The following MID1 variants were observed in gnomAD, a reference collection of about 807,000 sequenced individuals.
The protein encoded by MID1 is midline 1.
MID1 carries 7 observed loss-of-function variants against 40.4 expected under a neutral mutation model. The ratio of observed to expected loss-of-function variants is 0.17; its 90% confidence interval spans 0.10 to 0.33. MID1 has a LOEUF of 0.33. Among genes scored for constraint, MID1 ranks in the 10% least tolerant of loss-of-function variants. The pLI, the probability that MID1 is intolerant of heterozygous loss-of-function variation, is 1.00. For missense variants in MID1, 367 were observed against 558.5 expected (o/e 0.66, Z 3.46); for synonymous variants, 229 against 221.2 (o/e 1.04, Z -0.31).
intron 1 of MID1, among the ~76,000 whole-genome samples, chrX:10,679,690 A>AT (rs201656588): frequency 0.031 from 3,496 of 111,751 alleles, 78 homozygotes; most frequent in African/African-American, 0.072. Flanking sequence ...GAGTTTTAGC[A>AT]TAAGTCAAGA....
chrX:10,749,633 G>A (rs1283999901), intron 1 of MID1, among the ~76,000 whole-genome samples: 3 of 111,978 alleles, frequency 2.7e-5, no homozygotes, highest in African/African-American at 3.2e-5. Context: ...GCATGGTGCC[G>A]ATGTCTGTTC....
rs765535105 is a variant in MID1, at chrX:10,543,149, A to G, written c.661-19962T>C. On this transcript the variant is annotated intron_variant, in intron 2 of 9. Coordinates refer to ENST00000317552, the MANE Select transcript of MID1 (RefSeq NM_000381.4). Reference sequence around the variant, plus strand: ...ATTTTCACAGCCACACAAGTACAGCACTGGGAATGTACTCAGGCTCTCCTA... The same window carrying G: ...ATTTTCACAGCCACACAAGTACAGCGCTGGGAATGTACTCAGGCTCTCCTA... 5.3e-5 allele frequency among the ~76,000 whole-genome samples: 6 copies of G among 112,369 alleles called. No individual in the cohort carries two copies. The South Asian group carries it at 2.2e-3, about 42-fold the overall frequency.
At chrX:10,518,210 T>TGA (rs1932544909) in intron 3 of MID1, among the ~76,000 whole-genome samples, 1 of 112,160 alleles carries the variant, frequency 8.9e-6, no homozygotes, top group African/African-American at 3.2e-5. Context: ...GAGAAGACTG[T>TGA]GAGCCCTTCC....
At position 10,726,848 on chromosome X, in the gene MID1, T is replaced by C. The variant is rs759341108; in HGVS notation, c.-186-106429A>G. Among the ~76,000 whole-genome samples, 6 of 112,929 alleles carry C rather than the reference T, an allele frequency of 5.3e-5. No homozygotes were observed. The East Asian group carries it at 1.4e-3, about 26-fold the overall frequency. On this transcript the variant is annotated intron_variant, in intron 1 of 10. Coordinates refer to the MID1 transcript ENST00000380785. The stretch of plus-strand genomic sequence containing the variant: ...GGCCAAGGAGCCATGAACTGCTGAC[T>C]AAACTCTTTCTGAAGCTTGTGGCTA...
intron 2 of MID1, 117 bp downstream of exon 2, chrX:10,566,771 A>T: frequency 1.3e-6 from 1 of 783,426 alleles, no homozygotes; most frequent in African/African-American, 2.0e-5. Context: ...AAAACTAATC[A>T]GATAACAAAG....
rs937046223 is a variant in MID1, at chrX:10,679,376, G to A, written c.-186-58957C>T. The stretch of plus-strand genomic sequence containing the variant: ...TAAAGATAGTTTCTTATAGGGGAAG[G>A]GAAGGATTGTGGTTAAAAGGGCAGA... On this transcript the variant is annotated intron_variant, in intron 1 of 10. Transcript: ENST00000380785. Among the ~76,000 whole-genome samples the A allele has an allele frequency of 4.5e-5, 5 of 111,760 alleles. No homozygotes were observed. In the South Asian group the frequency reaches 1.1e-3, roughly 26 times the overall value.
At chrX:10,654,860 T>C (rs1261903755) in intron 1 of MID1, among the ~76,000 whole-genome samples, 1 of 112,514 alleles carries the variant, frequency 8.9e-6, no homozygotes, top group Non-Finnish European at 1.9e-5. Context: ...AAACTCAGCC[T>C]GATTCATTCA....
At chrX:10,767,128 A>T (rs747305059) in intron 1 of MID1, among the ~76,000 whole-genome samples, 9 of 110,709 alleles carry the variant, frequency 8.1e-5, no homozygotes, top group Non-Finnish European at 1.5e-4. Flanking sequence ...GCAGGCAATA[A>T]ATGAATTTCA....
In MID1 at chrX:10,457,815, G is replaced by A. The variant is rs1232564670; in HGVS notation, c.1447+1831C>T. Reference sequence around the variant, plus strand: ...CTTTAACCACATGGATCAATTTTCTGTTCCATAAATATATTCTCCTTGTCT... The same window carrying A: ...CTTTAACCACATGGATCAATTTTCTATTCCATAAATATATTCTCCTTGTCT... On this transcript the variant is annotated intron_variant, in intron 8 of 9. Coordinates refer to ENST00000317552, the MANE Select transcript of MID1 (RefSeq NM_000381.4). Among the ~76,000 whole-genome samples the A allele has an allele frequency of 5.3e-5, 6 of 112,373 alleles. No homozygotes were observed. The Admixed American group carries it at 5.6e-4, about 11-fold the overall frequency.
intron 1 of MID1, among the ~76,000 whole-genome samples, chrX:10,613,732 T>TATATATATATATATATATAG (rs1482081086): frequency 1.1e-4 from 2 of 17,480 alleles, no homozygotes; most frequent in South Asian, 5.3e-3. Context: ...TATATATATA[T>TATATATATATATATATATAG]AGAGAGAGAG....
At chrX:10,718,099 G>T (rs990174654) in intron 1 of MID1, among the ~76,000 whole-genome samples, 4 of 111,873 alleles carry the variant, frequency 3.6e-5, no homozygotes, top group African/African-American at 1.3e-4. Flanking sequence ...AAGCAGGAAA[G>T]ATCTAAAATT....
intron 1 of MID1, among the ~76,000 whole-genome samples, chrX:10,702,679 T>C (rs1049439918): frequency 4.4e-5 from 5 of 112,648 alleles, no homozygotes; most frequent in African/African-American, 1.6e-4. Context: ...AGTTGATAGT[T>C]ATCAAAAACT....
chrX:10,607,539 GC>G (rs979431927), intron 1 of MID1, among the ~76,000 whole-genome samples: 2 of 112,090 alleles, frequency 1.8e-5, no homozygotes, highest in Admixed American at 1.9e-4. Flanking sequence ...TGGGATTGAC[GC>G]CCACAGAGCC....
chrX:10,456,619 C>T (rs1392479485), intron 8 of MID1, among the ~76,000 whole-genome samples: 2 of 112,092 alleles, frequency 1.8e-5, no homozygotes, highest in Non-Finnish European at 3.8e-5. Context: ...GCTCGATTGC[C>T]TGAGGTCAGG....
At chrX:10,528,913 T>C (rs1430174970) in intron 2 of MID1, among the ~76,000 whole-genome samples, 2 of 111,606 alleles carry the variant, frequency 1.8e-5, no homozygotes, top group Non-Finnish European at 3.8e-5. Context: ...CTCGTAGATA[T>C]TCTAATTTAA....
intron 1 of MID1, among the ~76,000 whole-genome samples, chrX:10,673,254 C>T (rs916736096): frequency 3.6e-5 from 4 of 111,394 alleles, no homozygotes; most frequent in African/African-American, 1.3e-4. Flanking sequence ...TTCTGCTCAC[C>T]TGCTGGGGGC....
At chrX:10,763,076 A>G (rs1194986644) in intron 1 of MID1, among the ~76,000 whole-genome samples, 3 of 109,026 alleles carry the variant, frequency 2.8e-5, no homozygotes, top group Non-Finnish European at 5.7e-5. Context: ...CAAATATGCA[A>G]CTCTTCCATT....
intron 1 of MID1, among the ~76,000 whole-genome samples, chrX:10,794,985 G>A (rs2043958415): frequency 9.0e-6 from 1 of 111,631 alleles, no homozygotes; most frequent in South Asian, 3.8e-4. Flanking sequence ...TGTGGACTCA[G>A]TGATGACTCC....
At chrX:10,592,380 A>G (rs1935325743) in intron 1 of MID1, among the ~76,000 whole-genome samples, 1 of 106,640 alleles carries the variant, frequency 9.4e-6, no homozygotes, top group African/African-American at 3.4e-5. Context: ...GCAAAACATT[A>G]TCATTTCTCG....
Sources: allele counts gnomAD v4.1 joint callset (sites outside exome capture counted in the v4.1 genomes callset), GRCh38; gene constraint gnomAD v4.1.1; transcripts MANE v1.5; gene names NCBI Gene and HGNC (gene_info 2026-07-23, HGNC 2026-07-21).